Variants in CMIP observed in about 807,000 individuals in gnomAD.
CMIP encodes C-Maf-inducing protein.
CMIP carries 13 observed loss-of-function variants against 97.3 expected under a neutral mutation model. The ratio of observed to expected loss-of-function variants is 0.13; its 90% CI spans 0.09 to 0.21. The LOEUF is 0.21. CMIP is among the 10% of genes least tolerant of loss of function. The pLI is 1.00. For missense variants in CMIP, 847 were observed against 1,024.9 expected (o/e 0.83, Z 2.37); for synonymous variants, 538 against 436.3 (o/e 1.23, Z -2.91).
intron 1 of CMIP, among the ~76,000 whole-genome samples, chr16:81,457,622 C>A (rs927354134): frequency 3.3e-5 from 5 of 152,234 alleles, no homozygotes; most frequent in African/African-American, 1.2e-4. Flanking sequence ...CCACATTACC[C>A]CTGGTTGAGA....
At chr16:81,678,198 G>A in intron 9 of CMIP, 77 bp from the exon 10 acceptor site, 1 of 1,080,828 alleles carries the variant, frequency 9.3e-7, no homozygotes, top group Non-Finnish European at 1.3e-6. Flanking sequence ...GATTCAGGGA[G>A]GCCTTTAGTC....
At chr16:81,467,830 C>G (rs1042915946) in intron 1 of CMIP, among the ~76,000 whole-genome samples, 1 of 151,442 alleles carries the variant, frequency 6.6e-6, no homozygotes, top group East Asian at 1.9e-4. Flanking sequence ...ATTCACCTGC[C>G]TCGGCCTCCC....
intron 1 of CMIP, among the ~76,000 whole-genome samples, chr16:81,460,532 G>A (rs962936902): frequency 1.3e-5 from 2 of 152,172 alleles, no homozygotes; most frequent in African/African-American, 4.8e-5. Context: ...AAGCCCCTCA[G>A]TCCTGGGCAC....
Position 81,445,102 on chromosome 16 carries a change from T to G in CMIP, c.-140T>G, listed in dbSNP as rs1905742803. 5 of 324,130 alleles carry G rather than the reference T, an allele frequency of 1.5e-5. No individual in the cohort carries two copies. Among genetic ancestry groups the G allele is most frequent in the Non-Finnish European group, 2.7e-5 (5 of 183,652 alleles). The allele number at this position is 324,130 out of a possible 1,614,324, so 20.1% of individuals were successfully genotyped here. The stretch of plus-strand genomic sequence containing the variant: ...CCCCCGCGGGCAGCGCCCCCTCCCC[T>G]GCGGGCGCCCCCAGCCCCACACCCC... On this transcript the variant is annotated 5_prime_UTR_variant, in exon 1 of 21. Transcript: ENST00000537098.
At chr16:81,623,921 A>G (rs973701103) in intron 3 of CMIP, among the ~76,000 whole-genome samples, 3 of 152,124 alleles carry the variant, frequency 2.0e-5, no homozygotes, top group East Asian at 1.9e-4. Flanking sequence ...GCAGATTTCA[A>G]TCCAGATCTG....
At chr16:81,581,861 C>G (rs1013147800) in intron 1 of CMIP, among the ~76,000 whole-genome samples, 1 of 152,122 alleles carries the variant, frequency 6.6e-6, no homozygotes, top group Non-Finnish European at 1.5e-5. Flanking sequence ...TGCAGAGGGG[C>G]CTTGTATTAA....
intron 1 of CMIP, among the ~76,000 whole-genome samples, chr16:81,509,879 A>G (rs1393329140): frequency 6.6e-6 from 1 of 152,116 alleles, no homozygotes; most frequent in Non-Finnish European, 1.5e-5. Flanking sequence ...GGAGCATGGA[A>G]GTGTGATGGA....
At chr16:81,578,683 T>C (rs2091243578) in intron 1 of CMIP, among the ~76,000 whole-genome samples, 1 of 152,174 alleles carries the variant, frequency 6.6e-6, no homozygotes, top group Non-Finnish European at 1.5e-5. Flanking sequence ...GACATTTTGG[T>C]TTTTTGCACG....
intron 8 of CMIP, 69 bp from the exon 9 acceptor site, chr16:81,671,883 CAACGCCCTCCCTTT>C: frequency 1.5e-6 from 1 of 681,028 alleles, no homozygotes; most frequent in Non-Finnish European, 2.6e-6. Flanking sequence ...CGTGCCTGAG[CAACGCCCTCCCTTT>C]CCCCCCTTAC....
intron 3 of CMIP, among the ~76,000 whole-genome samples, chr16:81,622,604 G>A (rs760121881): frequency 6.6e-5 from 10 of 152,096 alleles, no homozygotes; most frequent in South Asian, 2.1e-4. Context: ...CTCAGGACAC[G>A]GCAGAATGTA....
At chr16:81,670,396 G>C (rs1215334085) in intron 8 of CMIP, among the ~76,000 whole-genome samples, 151 bp downstream of exon 8, 1 of 152,080 alleles carries the variant, frequency 6.6e-6, no homozygotes, top group Admixed American at 6.5e-5. Context: ...TGCCCGATAG[G>C]AACTCGGACA....
At position 81,647,151 on chromosome 16, in the gene CMIP, C is replaced by T. The variant is rs375123958; in HGVS notation, c.478-5052C>T. On this transcript the variant is annotated intron_variant, in intron 3 of 20. Transcript: ENST00000537098. ...TGTCATTTTCTATTACAGCCATCCT[C>T]GTAGGACGAAGTCGTATCTCTTTAT... is the stretch of plus-strand genomic sequence containing the variant. 1.1e-4 allele frequency among the ~76,000 whole-genome samples: 16 copies of T among 152,330 alleles called. 1 individual carries two copies. Among genetic ancestry groups the T allele is most frequent in the South Asian group, 8.3e-4 (4 of 4,826 alleles).
At chr16:81,651,831 C>G (rs903556053) in intron 3 of CMIP, among the ~76,000 whole-genome samples, 20 of 152,184 alleles carry the variant, frequency 1.3e-4, no homozygotes, top group African/African-American at 4.3e-4. Context: ...TCAGCTCTGC[C>G]AACTCTAGAG....
chr16:81,494,213 G>A (rs1405949143), intron 1 of CMIP, among the ~76,000 whole-genome samples: 1 of 152,158 alleles, frequency 6.6e-6, no homozygotes, highest in Non-Finnish European at 1.5e-5. Flanking sequence ...GCCTCTTCCT[G>A]GGTCTCCAGC....
chr16:81,549,466 T>C (rs143971723), intron 1 of CMIP, among the ~76,000 whole-genome samples: 1 of 152,306 alleles, frequency 6.6e-6, no homozygotes, highest in South Asian at 2.1e-4. Context: ...TTTTCCTTGC[T>C]AGCCCTGGAG....
chr16:81,501,743 C>G (rs1190603596), intron 1 of CMIP, among the ~76,000 whole-genome samples: 1 of 151,928 alleles, frequency 6.6e-6, no homozygotes, highest in Non-Finnish European at 1.5e-5. Context: ...TCCCGAGTAG[C>G]TGGAATTACA....
chr16:81,566,508 C>T (rs1399685403), intron 1 of CMIP, among the ~76,000 whole-genome samples: 3 of 152,204 alleles, frequency 2.0e-5, no homozygotes, highest in Non-Finnish European at 2.9e-5. Flanking sequence ...CACAGCTTTG[C>T]TGTGTGACTC....
At chr16:81,588,194 C>G (rs962477447) in intron 1 of CMIP, among the ~76,000 whole-genome samples, 1 of 152,204 alleles carries the variant, frequency 6.6e-6, no homozygotes, top group African/African-American at 2.4e-5. Flanking sequence ...CTTTGTTTGG[C>G]CGTCTCGGAG....
rs1356021760 is a variant in CMIP, at chr16:81,457,147, C to G, written c.300+11606C>G. The stretch of plus-strand genomic sequence containing the variant: ...CATGCCTCTGACCTTTGGCACACGC[C>G]TCTTCTTTCTGCTTGGAACCCCTCC... On this transcript the variant is annotated intron_variant, in intron 1 of 20. Transcript: ENST00000537098. 4.0e-5 allele frequency among the ~76,000 whole-genome samples: 6 copies of G among 151,832 alleles called. No individual in the cohort carries two copies. The South Asian group carries it at 1.0e-3, about 26-fold the overall frequency.
Sources: gnomAD v4.1 joint callset for allele counts (sites outside exome capture counted in the v4.1 genomes callset) on GRCh38, gnomAD v4.1.1 for gene constraint, MANE v1.5 for transcripts, NCBI Gene and HGNC (gene_info 2026-07-23, HGNC 2026-07-21) for gene names.